The following SLIT2 variants were observed in gnomAD, a reference collection of about 807,000 sequenced individuals.
The protein encoded by SLIT2 is slit guidance ligand 2.
A neutral mutation model predicts 185.7 loss-of-function variants in SLIT2; 41 were observed. The observed-to-expected ratio is 0.22, with a 90% CI of 0.17 to 0.29. The LOEUF (loss-of-function observed/expected upper bound fraction) is 0.29. Among genes scored for constraint, SLIT2 ranks in the 10% least tolerant of loss-of-function variants. The pLI is 1.00. For synonymous variants in SLIT2, 693 were observed against 680.2 expected (o/e 1.02, Z -0.29); for missense variants, 1,571 against 1,909.0 (o/e 0.82, Z 3.30).
chr4:20,477,574 G>A (rs1358898831), intron 5 of SLIT2, among the ~76,000 whole-genome samples: 1 of 152,104 alleles, frequency 6.6e-6, no homozygotes, highest in Non-Finnish European at 1.5e-5. Flanking sequence ...AATTTACTTG[G>A]ACAGCAAAGG....
At chr4:20,417,311 G>GT (rs1560405221) in intron 4 of SLIT2, among the ~76,000 whole-genome samples, 1 of 151,528 alleles carries the variant, frequency 6.6e-6, no homozygotes, top group East Asian at 1.9e-4. Flanking sequence ...CTCTGCTAAT[G>GT]TATTTCCTAC....
At chr4:20,271,375 A>G (rs1713588159) in intron 4 of SLIT2, among the ~76,000 whole-genome samples, 2 of 147,382 alleles carry the variant, frequency 1.4e-5, no homozygotes, top group Admixed American at 6.9e-5. Context: ...ATATTTATAG[A>G]ATATATGTTT....
At chr4:20,457,500 G>T (rs1713206884) in intron 4 of SLIT2, among the ~76,000 whole-genome samples, 1 of 151,934 alleles carries the variant, frequency 6.6e-6, no homozygotes, top group Non-Finnish European at 1.5e-5. Flanking sequence ...AGATACTAAA[G>T]ATATTATATA....
At chr4:20,511,178 A>G in intron 11 of SLIT2, 41 bp downstream of exon 11, 1 of 1,200,644 alleles carries the variant, frequency 8.3e-7, no homozygotes. Context: ...GAGAAGCCAC[A>G]ACAAAGAGTG....
Position 20,528,939 on chromosome 4 carries a change from T to C in SLIT2, c.1463-10T>C. 5 of 1,602,532 alleles carry C rather than the reference T, an allele frequency of 3.1e-6. No homozygotes were observed. In the East Asian group the frequency reaches 1.1e-4, roughly 36 times the overall value. ...CTCAGTATCTTTTTTTTGGTTTGAA[T>C]TCTCAATAGGTACAGAAGATTATCG... is the stretch of plus-strand genomic sequence containing the variant. On this transcript the variant is annotated splice_polypyrimidine_tract_variant and intron_variant, in intron 15 of 36. Coordinates refer to ENST00000504154, the MANE Select transcript of SLIT2 (RefSeq NM_004787.4). This position sits in a 1 kb window ranked among gnomAD's most constrained non-coding sequence, Gnocchi z 4.2.
In SLIT2 at chr4:20,362,926, A is replaced by ATT. The variant is rs201084118; in HGVS notation, c.395+94055_395+94056dup. ...AAATTTATTTTCCAAGAGGAATGAA[A>ATT]TTTTTTTTTTTAAAAAAGGGATTTT... On this transcript the variant is annotated intron_variant, in intron 4 of 36. Coordinates refer to ENST00000504154, the MANE Select transcript of SLIT2 (RefSeq NM_004787.4). Among the ~76,000 whole-genome samples the ATT allele has an allele frequency of 6.1e-4, 87 of 142,286 alleles. No homozygotes were observed. In the South Asian group the frequency reaches 0.015, roughly 25 times the overall value. The allele number at this position is 142,286 out of a possible 152,430, so 93.3% of individuals were successfully genotyped here. A position where few individuals can be genotyped will look rare whatever the true frequency, so the allele number is the denominator to read the frequency against.
intron 4 of SLIT2, among the ~76,000 whole-genome samples, chr4:20,294,074 GT>G (rs1454837419): frequency 1.3e-5 from 2 of 152,052 alleles, no homozygotes; most frequent in African/African-American, 4.8e-5. Flanking sequence ...TTGTCTGGGT[GT>G]GGTGGCTCAT....
chr4:20,411,778 C>A (rs1727276006), intron 4 of SLIT2, among the ~76,000 whole-genome samples: 1 of 152,132 alleles, frequency 6.6e-6, no homozygotes, highest in Non-Finnish European at 1.5e-5. Context: ...AAGGCAAATG[C>A]AGGGTGGATT....
chr4:20,404,915 A>G (rs1475284704), intron 4 of SLIT2, among the ~76,000 whole-genome samples: 1 of 152,006 alleles, frequency 6.6e-6, no homozygotes, highest in Non-Finnish European at 1.5e-5. Context: ...CCATTAATAC[A>G]ATATTGTGAA....
Position 20,568,952 on chromosome 4 carries a change from A to T in SLIT2, c.3036A>T (p.Thr1012=). 6.2e-7 allele frequency: 1 copy of T among 1,612,538 alleles called. No individual in the cohort carries two copies. Among genetic ancestry groups the T allele is most frequent in the Non-Finnish European group, 8.5e-7 (1 of 1,178,814 alleles). Residue 1012 remains threonine (T), a synonymous_variant, in exon 29 of 37, where the codon ACA becomes ACT. Transcript: ENST00000504154. Reference sequence around the variant, plus strand: ...ATAATGACTGTGAAAATAATTCTACATGTGTCGATGGCATTAATAACTACA... The same window carrying T: ...ATAATGACTGTGAAAATAATTCTACTTGTGTCGATGGCATTAATAACTACA... The part of the protein sequence containing the change: ...CEDNDCENNS[T]CVDGINNYTC...
chr4:20,259,669 G>A (rs1339217412), intron 3 of SLIT2, among the ~76,000 whole-genome samples: 1 of 151,736 alleles, frequency 6.6e-6, no homozygotes, highest in Non-Finnish European at 1.5e-5. Flanking sequence ...AATTTGATTA[G>A]AGTTGTAAGT....
chr4:20,464,083 C>T (rs1266150538), intron 4 of SLIT2, among the ~76,000 whole-genome samples: 2 of 152,028 alleles, frequency 1.3e-5, no homozygotes, highest in Non-Finnish European at 1.5e-5. Context: ...TTAGTCTTCT[C>T]TATTTTTTCT....
chr4:20,496,812 G>A (rs1577786075), intron 9 of SLIT2, among the ~76,000 whole-genome samples: 2 of 152,230 alleles, frequency 1.3e-5, no homozygotes, highest in South Asian at 2.1e-4. Context: ...AAATTAATCA[G>A]ACATTTGGAA....
chr4:20,461,015 T>G (rs1292561075), intron 4 of SLIT2, among the ~76,000 whole-genome samples: 1 of 152,210 alleles, frequency 6.6e-6, no homozygotes, highest in East Asian at 1.9e-4. Context: ...CTAAGATATA[T>G]TTAATATGAG....
At chr4:20,608,656 C>A (rs1369308493) in intron 33 of SLIT2, among the ~76,000 whole-genome samples, 2 of 152,088 alleles carry the variant, frequency 1.3e-5, no homozygotes, top group Admixed American at 6.5e-5. Context: ...AGAGTGATTT[C>A]TCTTGTTCTC....
intron 5 of SLIT2, among the ~76,000 whole-genome samples, chr4:20,472,531 T>G (rs56343235): frequency 4.3e-5 from 1 of 23,432 alleles, no homozygotes; most frequent in African/African-American, 2.2e-4. Context: ...TATCTATATA[T>G]AGATATATCT....
At chr4:20,586,788 C>CAT (rs1727100903) in intron 29 of SLIT2, among the ~76,000 whole-genome samples, 1 of 152,018 alleles carries the variant, frequency 6.6e-6, no homozygotes, top group Non-Finnish European at 1.5e-5. Flanking sequence ...AAGAAGGGAA[C>CAT]ATATAATGGA....
chr4:20,254,834 G>A lies in SLIT2; in HGVS notation c.179+840G>A. On this transcript the variant is annotated intron_variant, in intron 1 of 36. Coordinates refer to ENST00000504154, the MANE Select transcript of SLIT2 (RefSeq NM_004787.4). The surrounding 1 kb of genome is among the most constrained non-coding windows in gnomAD (Gnocchi z 5.1). ...TGCGTCCCCATCCACCTTTCTGGCAGTTTCTGCGCCCCTTCACGTGGCAGC... is the reference window on the plus strand; with the variant it reads ...TGCGTCCCCATCCACCTTTCTGGCAATTTCTGCGCCCCTTCACGTGGCAGC... The A allele has an allele frequency of 2.3e-6, 1 of 433,790 alleles. No homozygotes were observed. The highest frequency in any genetic ancestry group is 4.6e-6 in the Non-Finnish European group (1 of 215,662). 26.9% of individuals were successfully genotyped at this position (433,790 alleles called of 1,614,324 possible).
chr4:20,272,354 G>A (rs1485986466), intron 4 of SLIT2, among the ~76,000 whole-genome samples: 1 of 151,840 alleles, frequency 6.6e-6, no homozygotes, highest in African/African-American at 2.4e-5. Flanking sequence ...CAAAATCAAG[G>A]TTGCATTTTT....
Sources: gnomAD v4.1 joint callset for allele counts (sites outside exome capture counted in the v4.1 genomes callset) on GRCh38, gnomAD v4.1.1 for gene constraint, Gnocchi (gnomAD v3.1) non-coding constraint, MANE v1.5 for transcripts, NCBI Gene and HGNC (gene_info 2026-07-23, HGNC 2026-07-21) for gene names.